DAB1: variants seen among roughly 807,000 people sequenced by gnomAD.
DAB1 encodes DAB adaptor protein 1.
A neutral mutation model predicts 64.6 loss-of-function variants in DAB1; 15 were observed. The ratio of observed to expected loss-of-function variants is 0.23; its 90% CI spans 0.16 to 0.36. The LOEUF is 0.36. DAB1 is among the 10% of genes least tolerant of loss of function. The probability of loss-of-function intolerance (pLI) is 1.00; values close to 1 mark genes in which losing one functional copy is unlikely to be tolerated. For synonymous variants in DAB1, 235 were observed against 251.9 expected (o/e 0.93, Z 0.64); for missense variants, 596 against 706.7 (o/e 0.84, Z 1.78).
At position 57,636,106 on chromosome 1, in the gene DAB1, AAAAAAAACAAAAAC is replaced by A. The variant is rs1478628779; in HGVS notation, n.625+13472_625+13485del. Among the ~76,000 whole-genome samples the A allele has an allele frequency of 1.6e-3, 246 of 149,924 alleles. 6 individuals are homozygous for A. Among genetic ancestry groups the A allele is most frequent in the African/African-American group, 6.0e-3 (242 of 40,606 alleles). On this transcript the variant is annotated intron_variant and non_coding_transcript_variant, in intron 7 of 20. Coordinates refer to the DAB1 transcript ENST00000485760. ...AGCGAGACACGGTCTCAAAAAAAAA[AAAAAAAACAAAAAC>A]AAAAAACTGGTGCCCTTATAAGAAA...
intron 3 of DAB1, among the ~76,000 whole-genome samples, chr1:58,428,777 C>T (rs1644843648): frequency 6.6e-6 from 1 of 152,194 alleles, no homozygotes; most frequent in Non-Finnish European, 1.5e-5. Flanking sequence ...ATAATACCAT[C>T]CTTTATACTT....
At chr1:58,437,739 ATGT>A (rs750666210) in intron 3 of DAB1, among the ~76,000 whole-genome samples, 20 of 152,174 alleles carry the variant, frequency 1.3e-4, no homozygotes, top group Admixed American at 3.3e-4. Flanking sequence ...AAAGATACAA[ATGT>A]TGTGGGCCTG....
intron 5 of DAB1, among the ~76,000 whole-genome samples, chr1:57,979,969 A>G (rs1408081485): frequency 6.6e-6 from 1 of 152,170 alleles, no homozygotes; most frequent in African/African-American, 2.4e-5. Context: ...TATCTTGAGT[A>G]GATTATTTTG....
intron 6 of DAB1, among the ~76,000 whole-genome samples, chr1:57,695,376 GA>G (rs1402626835): frequency 3.3e-3 from 203 of 61,808 alleles, no homozygotes; most frequent in South Asian, 8.8e-3. Context: ...AAGAAAGAAA[GA>G]AAGAAAGAAA....
chr1:58,340,002 C>A (rs567797220), intron 4 of DAB1, among the ~76,000 whole-genome samples: 3 of 152,222 alleles, frequency 2.0e-5, no homozygotes, highest in African/African-American at 7.2e-5. Flanking sequence ...CTAATCACAG[C>A]TAATTTTTCA....
At chr1:58,217,455 G>A (rs1190470848) in intron 4 of DAB1, among the ~76,000 whole-genome samples, 3 of 152,214 alleles carry the variant, frequency 2.0e-5, no homozygotes, top group African/African-American at 7.2e-5. Context: ...TACGCAAGTA[G>A]GGAGGAGGAC....
At chr1:58,405,959 G>T (rs1393555428) in intron 3 of DAB1, among the ~76,000 whole-genome samples, 1 of 152,188 alleles carries the variant, frequency 6.6e-6, no homozygotes, top group Non-Finnish European at 1.5e-5. Flanking sequence ...CCCTGAACCA[G>T]AGCCTCAGGA....
intron 4 of DAB1, among the ~76,000 whole-genome samples, chr1:58,277,193 C>T (rs1661470500): frequency 6.6e-6 from 1 of 151,870 alleles, no homozygotes; most frequent in Non-Finnish European, 1.5e-5. Flanking sequence ...GCATGCGCCA[C>T]CACACCCAGC....
chr1:57,508,361 G>A (rs1011313911), intron 7 of DAB1, among the ~76,000 whole-genome samples: 3 of 152,164 alleles, frequency 2.0e-5, no homozygotes, highest in African/African-American at 7.2e-5. Context: ...CACAAGAGAC[G>A]CTAAAAAGTA....
intron 7 of DAB1, among the ~76,000 whole-genome samples, chr1:57,632,946 C>T (rs1037283081): frequency 6.6e-6 from 1 of 152,034 alleles, no homozygotes; most frequent in African/African-American, 2.4e-5. Context: ...TCTTATTATG[C>T]TGTATTAGAT....
At chr1:57,408,997 G>C (rs1683881660) in intron 1 of DAB1, among the ~76,000 whole-genome samples, 1 of 152,120 alleles carries the variant, frequency 6.6e-6, no homozygotes, top group Admixed American at 6.5e-5. Context: ...TTCTCTTTCT[G>C]CTTCACGGTA....
chr1:57,789,333 AC>A (rs1650485432), intron 6 of DAB1, among the ~76,000 whole-genome samples: 1 of 152,178 alleles, frequency 6.6e-6, no homozygotes, highest in African/African-American at 2.4e-5. Flanking sequence ...ATGGTAGGAA[AC>A]AGAGGGTATG....
At chr1:57,325,119 G>T (rs1279174620) in intron 1 of DAB1, among the ~76,000 whole-genome samples, 1 of 152,226 alleles carries the variant, frequency 6.6e-6, no homozygotes, top group African/African-American at 2.4e-5. Context: ...AAGCCACTGG[G>T]TAGAGACTGT....
At chr1:57,871,682 C>T (rs1479984437) in intron 1 of DAB1, among the ~76,000 whole-genome samples, 1 of 152,152 alleles carries the variant, frequency 6.6e-6, no homozygotes, top group Non-Finnish European at 1.5e-5. Context: ...TTCACCTAAA[C>T]ACAAAGACAG....
intron 1 of DAB1, among the ~76,000 whole-genome samples, chr1:58,534,915 C>T (rs773922497): frequency 6.6e-6 from 1 of 152,168 alleles, no homozygotes; most frequent in Admixed American, 6.5e-5. Context: ...CAACACCAAC[C>T]TGGGTGACAG....
At chr1:58,037,705 ACTG>A (rs1388738034) in intron 5 of DAB1, among the ~76,000 whole-genome samples, 1 of 150,322 alleles carries the variant, frequency 6.7e-6, no homozygotes, top group African/African-American at 2.4e-5. Flanking sequence ...AAGGCTGGGG[ACTG>A]CTGCCTTATG....
intron 7 of DAB1, among the ~76,000 whole-genome samples, chr1:57,488,721 A>G (rs1644124928): frequency 6.6e-6 from 1 of 152,028 alleles, no homozygotes; most frequent in African/African-American, 2.4e-5. Flanking sequence ...TAAAAATTAT[A>G]TAGGTGCTGC....
chr1:57,380,456 C>A (rs1457513158), intron 1 of DAB1, among the ~76,000 whole-genome samples: 1 of 152,204 alleles, frequency 6.6e-6, no homozygotes, highest in Admixed American at 6.5e-5. Context: ...TAGCTAACAT[C>A]TTTACCTTTA....
chr1:57,092,262 A>G (rs1350621347), intron 4 of DAB1, among the ~76,000 whole-genome samples: 2 of 152,186 alleles, frequency 1.3e-5, no homozygotes, highest in Non-Finnish European at 2.9e-5. Context: ...CAGTGCTGAA[A>G]TAGACATGGC....
Sources: gnomAD v4.1 joint callset for allele counts (sites outside exome capture counted in the v4.1 genomes callset) on GRCh38, gnomAD v4.1.1 for gene constraint, MANE v1.5 for transcripts, NCBI Gene and HGNC (gene_info 2026-07-23, HGNC 2026-07-21) for gene names.